The following ZNF273 variants were observed in gnomAD, a reference collection of about 807,000 sequenced individuals.
ZNF273 encodes zinc finger protein 9.
A neutral mutation model predicts 14.9 loss-of-function variants in ZNF273; 11 were observed. The observed-to-expected ratio is 0.74, with a 90% CI of 0.46 to 1.22. The LOEUF (loss-of-function observed/expected upper bound fraction) is 1.22. Among genes scored for constraint, ZNF273 ranks in the 50% most tolerant of loss-of-function variants. ZNF273 has a pLI of 0.00. For synonymous variants in ZNF273, 199 were observed against 223.9 expected (o/e 0.89, Z 0.99); for missense variants, 577 against 660.6 (o/e 0.87, Z 1.39).
chr7:64,921,332 G>T (rs1443817834), intron 3 of ZNF273, among the ~76,000 whole-genome samples: 1 of 152,024 alleles, frequency 6.6e-6, no homozygotes, highest in Non-Finnish European at 1.5e-5. Flanking sequence ...AAAGTGCTGG[G>T]ATTACAGGCG....
At chr7:64,899,761 GT>G (rs370557127), upstream of ZNF273, among the ~76,000 whole-genome samples, 6,402 of 144,738 alleles carry the variant, frequency 0.044, 122 homozygotes, top group Middle Eastern at 0.089. Flanking sequence ...TAATTTCAAG[GT>G]TTTTTTTTTT....
At chr7:64,893,636 A>G (rs1355506017), downstream of ZNF273, 1 of 150,940 alleles carries the variant, frequency 6.6e-6, no homozygotes, top group Non-Finnish European at 1.5e-5. Flanking sequence ...GGGAGGTGCA[A>G]TGGTGAGTTG....
intron 3 of ZNF273, among the ~76,000 whole-genome samples, chr7:64,920,914 A>G (rs1013288227): frequency 3.3e-5 from 5 of 152,198 alleles, no homozygotes; most frequent in Non-Finnish European, 5.9e-5. Flanking sequence ...CATTTTTGTC[A>G]GGGATGGCTG....
At chr7:64,917,927 G>C (rs1489867284) in intron 2 of ZNF273, among the ~76,000 whole-genome samples, 1 of 151,956 alleles carries the variant, frequency 6.6e-6, no homozygotes, top group East Asian at 1.9e-4. Context: ...TAGATTAATG[G>C]TAATTCCAAA....
chr7:64,888,799 G>A, exon 2 of ZNF273: 1 of 985,886 alleles, frequency 1.0e-6, no homozygotes, highest in Non-Finnish European at 1.2e-6. Flanking sequence ...GCCGGGAAGT[G>A]CACTGTGGAG....
chr7:64,922,397 C>T (rs922558120), intron 3 of ZNF273, among the ~76,000 whole-genome samples: 12 of 151,672 alleles, frequency 7.9e-5, no homozygotes, highest in African/African-American at 2.7e-4. Flanking sequence ...GGCATGATCT[C>T]GGCTCACTGC....
downstream of ZNF273, among the ~76,000 whole-genome samples, chr7:64,931,441 A>AT (rs946897169): frequency 1.1e-4 from 17 of 152,218 alleles, no homozygotes; most frequent in Admixed American, 9.8e-4. Context: ...CTGGTCAGGG[A>AT]TTACAACAAT....
chr7:64,911,123 T>C (rs1562958501), intron 1 of ZNF273, among the ~76,000 whole-genome samples: 1 of 152,104 alleles, frequency 6.6e-6, no homozygotes, highest in African/African-American at 2.4e-5. Flanking sequence ...ATGAAGTATG[T>C]TAAATTTTAT....
chr7:64,913,267 T>A (rs1793700285), intron 1 of ZNF273, among the ~76,000 whole-genome samples: 1 of 152,250 alleles, frequency 6.6e-6, no homozygotes, highest in Admixed American at 6.5e-5. Flanking sequence ...TGTCTATATT[T>A]TGTTTTTATT....
At position 64,927,953 on chromosome 7, in the gene ZNF273, A is replaced by G; in HGVS notation, c.625A>G (p.Lys209Glu). The G allele has an allele frequency of 6.2e-6, 10 of 1,613,782 alleles. No individual in the cohort carries two copies. Among genetic ancestry groups the G allele is most frequent in the African/African-American group, 1.3e-5 (1 of 75,038 alleles). ...AACTGGAAAGAAACCTTTCAAATGTAAAGAATGTGGCAAATCATGTTGCAT... is the reference window on the plus strand; with the variant it reads ...AACTGGAAAGAAACCTTTCAAATGTGAAGAATGTGGCAAATCATGTTGCAT... ...RQTGKKPFKC[K>E]ECGKSCCILS... The change falls in exon 4 of 4, where the codon AAA becomes GAA. Residue 209 changes from lysine (K) to glutamate (E), a missense_variant. This residue lies in a region of ZNF273 where 411 missense variants were observed against 440.4 expected (regional missense o/e 0.93). Transcript: ENST00000476120.
chr7:64,892,315 G>A (rs1397709183), downstream of ZNF273, among the ~76,000 whole-genome samples: 1 of 152,196 alleles, frequency 6.6e-6, no homozygotes, highest in Non-Finnish European at 1.5e-5. Flanking sequence ...GAGTTGCTGA[G>A]GGAGGATTAA....
At chr7:64,888,600 CCTT>C (rs1791754618) in exon 2 of ZNF273, 2 of 985,908 alleles carry the variant, frequency 2.0e-6, no homozygotes, top group East Asian at 1.1e-4. Flanking sequence ...CCGCCCTCCA[CCTT>C]CTCCACCACC....
downstream of ZNF273, chr7:64,880,060 G>C (rs1487054926): frequency 6.6e-6 from 1 of 152,226 alleles, no homozygotes; most frequent in Non-Finnish European, 1.5e-5. Context: ...TAGTGAGCGC[G>C]GGCTCGAGTC....
At chr7:64,903,011 G>T (rs1236544873), upstream of ZNF273, among the ~76,000 whole-genome samples, 3 of 152,168 alleles carry the variant, frequency 2.0e-5, no homozygotes, top group Non-Finnish European at 4.4e-5. Context: ...AAATGCATAT[G>T]ACCTTATACA....
chr7:64,936,421 A>G, the ZNF273 span, among the ~76,000 whole-genome samples: 6 of 152,094 alleles, frequency 3.9e-5, no homozygotes, highest in Non-Finnish European at 8.8e-5. Context: ...AGAGATACCA[A>G]TTTCCCCTGA....
At chr7:64,898,413 T>G (rs1792491762), upstream of ZNF273, among the ~76,000 whole-genome samples, 1 of 152,210 alleles carries the variant, frequency 6.6e-6, no homozygotes, top group Non-Finnish European at 1.5e-5. Flanking sequence ...CGCTGTTCAT[T>G]TAACACAAAG....
At chr7:64,877,760 A>G (rs73132347) in exon 1 of ZNF273, 12,713 of 152,444 alleles carry the variant, frequency 0.083, 675 homozygotes, top group South Asian at 0.18. Context: ...AAGAAACCTC[A>G]AGCGGAGCCC....
At chr7:64,926,174 T>C (rs765839260) in intron 3 of ZNF273, among the ~76,000 whole-genome samples, 2 of 128,112 alleles carry the variant, frequency 1.6e-5, no homozygotes, top group Admixed American at 1.6e-4. Context: ...TTAAGGACTT[T>C]GACTATATCA....
rs546804575 is a variant in ZNF273, at chr7:64,879,223, C to T, written n.331-227C>T. Among the ~76,000 whole-genome samples the T allele has an allele frequency of 5.3e-5, 8 of 152,232 alleles. No individual in the cohort carries two copies. The East Asian group carries it at 5.8e-4, about 11-fold the overall frequency. ...CCAGGGATTTCAGAGTCAAAAGAGA[C>T]TGCAGTTCAGCTGGCTGCAGGCCAG... On this transcript the variant is annotated intron_variant and non_coding_transcript_variant, in intron 2 of 2. Coordinates refer to the ZNF273 transcript ENST00000465954.
Sources: gnomAD v4.1 joint callset for allele counts (sites outside exome capture counted in the v4.1 genomes callset) on GRCh38, gnomAD v4.1.1 for gene constraint, gnomAD v4.1.1 regional missense constraint, MANE v1.5 for transcripts, NCBI Gene and HGNC (gene_info 2026-07-23, HGNC 2026-07-21) for gene names.